The following EXOSC7 variants were observed in gnomAD, a reference collection of about 807,000 sequenced individuals.
EXOSC7 encodes the protein exosome complex component RRP42.
Under a neutral mutation model 34.3 loss-of-function variants are expected in EXOSC7, and 25 were observed. The observed-to-expected ratio is 0.73, with a 90% CI of 0.53 to 1.02. The LOEUF (loss-of-function observed/expected upper bound fraction) is 1.02, where lower values mean the gene tolerates loss of function less well. Among genes scored for constraint, EXOSC7 ranks in the 50% least tolerant of loss-of-function variants. EXOSC7 has a pLI of 0.00. For missense variants in EXOSC7, 370 were observed against 368.5 expected, an observed-to-expected ratio of 1.00 and a Z score of -0.03; for synonymous variants, 130 against 143.0, an observed-to-expected ratio of 0.91 and a Z score of 0.65.
chr3:44,978,225 G>A (rs915277891), intron 1 of EXOSC7, among the ~76,000 whole-genome samples: 3 of 152,246 alleles, frequency 2.0e-5, no homozygotes, highest in Non-Finnish European at 4.4e-5. Flanking sequence ...TTGAAAGGCT[G>A]AGATGGGAGG....
At chr3:45,012,554 C>T (rs1697315146), downstream of EXOSC7, 1 of 152,240 alleles carries the variant, frequency 6.6e-6, no homozygotes. Context: ...AGAAATCAGC[C>T]TGGTCTCTCC....
chr3:45,011,010 GTC>G (rs1337783678), intron 7 of EXOSC7, among the ~76,000 whole-genome samples: 14 of 152,110 alleles, frequency 9.2e-5, no homozygotes. Flanking sequence ...GCTGGTGTTT[GTC>G]TCTCTTTTTT....
intron 1 of EXOSC7, 23 bp from the exon 2 acceptor site, chr3:44,989,117 G>A (rs112978184): frequency 1.9e-6 from 3 of 1,551,116 alleles, no homozygotes; most frequent in Non-Finnish European, 2.7e-6. Context: ...GGTGACTATA[G>A]GACTGTGGTT....
At chr3:44,979,317 A>G (rs985029846) in intron 1 of EXOSC7, among the ~76,000 whole-genome samples, 4 of 152,228 alleles carry the variant, frequency 2.6e-5, no homozygotes, top group Non-Finnish European at 5.9e-5. Context: ...TGTTGCTTGT[A>G]TAGTCCTAGT....
intron 1 of EXOSC7, 80 bp from the exon 2 acceptor site, chr3:44,989,060 C>G: frequency 2.2e-6 from 2 of 927,830 alleles, no homozygotes; most frequent in African/African-American, 3.2e-5. Flanking sequence ...TATATCTTCT[C>G]TAGGGGGAAA....
Position 45,011,414 on chromosome 3 carries a change from G to A in EXOSC7, c.*75G>A, listed in dbSNP as rs1195917782. 7 of 943,584 alleles carry A rather than the reference G, an allele frequency of 7.4e-6. No individual in the cohort carries two copies. The highest frequency in any genetic ancestry group is 7.2e-5 in the Admixed American group (3 of 41,690). 58.5% of individuals were successfully genotyped at this position (943,584 alleles called of 1,614,324 possible). A position where few individuals can be genotyped will look rare whatever the true frequency, so the allele number is the denominator to read the frequency against. On this transcript the variant is annotated 3_prime_UTR_variant, in exon 8 of 8. Transcript: ENST00000265564. ...AACCGGTTCGTATATATTTTTCTTC[G>A]CTGTTACGAATTTACAGCAGCATTT... is the stretch of plus-strand genomic sequence containing the variant.
At chr3:44,994,037 C>T (rs1183796541) in intron 3 of EXOSC7, among the ~76,000 whole-genome samples, 1 of 152,088 alleles carries the variant, frequency 6.6e-6, no homozygotes, top group Non-Finnish European at 1.5e-5. Context: ...TACAGGGAAG[C>T]ATAGAAGATA....
chr3:44,992,713 TA>T (rs945417691), intron 3 of EXOSC7, among the ~76,000 whole-genome samples: 17 of 152,320 alleles, frequency 1.1e-4, no homozygotes, highest in African/African-American at 3.4e-4. Context: ...GGTTTCTATC[TA>T]AAGCCCAAAG....
chr3:45,001,404 C>T (rs1706874752), intron 4 of EXOSC7, 134 bp from the exon 5 acceptor site: 1 of 687,790 alleles, frequency 1.5e-6, no homozygotes, highest in Non-Finnish European at 2.6e-6. Flanking sequence ...GATTGCACCA[C>T]TGCACTCCAG....
chr3:44,997,512 T>G (rs906401269), intron 4 of EXOSC7, among the ~76,000 whole-genome samples: 2 of 152,176 alleles, frequency 1.3e-5, no homozygotes, highest in African/African-American at 4.8e-5. Flanking sequence ...CCATAAAAAT[T>G]GTCCAGGAAG....
intron 3 of EXOSC7, among the ~76,000 whole-genome samples, chr3:44,996,234 C>G (rs1210809571): frequency 1.3e-5 from 2 of 152,160 alleles, no homozygotes; most frequent in East Asian, 3.9e-4. Flanking sequence ...TTTACTGTTA[C>G]AGTAAAATAA....
At chr3:45,006,098 G>A (rs1404547853) in intron 6 of EXOSC7, among the ~76,000 whole-genome samples, 1 of 14,670 alleles carries the variant, frequency 6.8e-5, no homozygotes, top group Admixed American at 7.9e-4. Flanking sequence ...TTTTTTTTTT[G>A]AGACAGTCTT....
intron 5 of EXOSC7, chr3:45,001,847 T>C (rs1706891609): frequency 4.7e-6 from 2 of 427,714 alleles, no homozygotes; most frequent in African/African-American, 4.1e-5. Flanking sequence ...AATAGACACC[T>C]ACCATTTAGA....
chr3:44,999,716 G>C (rs1268232869), intron 4 of EXOSC7, among the ~76,000 whole-genome samples: 2 of 152,044 alleles, frequency 1.3e-5, no homozygotes, highest in Admixed American at 6.6e-5. Flanking sequence ...GTCATCTTCA[G>C]AAAAGTTTTT....
At chr3:45,009,555 C>CTT (rs769220705) in intron 7 of EXOSC7, among the ~76,000 whole-genome samples, 1 of 145,766 alleles carries the variant, frequency 6.9e-6, no homozygotes. Context: ...TCCAAAGGCC[C>CTT]TTTTTTTTTT....
chr3:45,008,015 C>A (rs1321731742), intron 7 of EXOSC7, among the ~76,000 whole-genome samples: 1 of 152,156 alleles, frequency 6.6e-6, no homozygotes, highest in African/African-American at 2.4e-5. Flanking sequence ...AAATTCGTTA[C>A]AGCTCTAGAA....
In EXOSC7 at chr3:44,997,002, A is replaced by G. The variant is rs76073728; in HGVS notation, c.255-85A>G. ...GAGCAGCTGGCTCTTCCAGCATTCT[A>G]CAGGGAAACTGGAATAAAGCTTTGC... On this transcript the variant is annotated intron_variant, in intron 3 of 7. Transcript: ENST00000265564. The G allele has an allele frequency of 8.4e-4, 1,168 of 1,387,812 alleles. 17 individuals carry two copies. In the East Asian group the frequency reaches 0.023, roughly 28 times the overall value. The allele number at this position is 1,387,812 out of a possible 1,614,324, so 86.0% of individuals were successfully genotyped here. A position where few individuals can be genotyped will look rare whatever the true frequency, so the allele number is the denominator to read the frequency against.
chr3:45,007,479 C>G lies in EXOSC7; in HGVS notation c.675C>G (p.Ser225Arg). Residue 225 changes from serine (S) to arginine (R), a missense_variant, in exon 7 of 8, where the codon AGC (serine) becomes AGG (arginine). This residue lies in a region of EXOSC7 where 255 missense variants were observed against 246.4 expected (regional missense o/e 1.03). Transcript: ENST00000265564. ...AGGAGGAGGCCTGCTCGCTGGCCAGCTTGCTGGTGTCGGTGACCAGCAAGG... is the reference window on the plus strand; with the variant it reads ...AGGAGGAGGCCTGCTCGCTGGCCAGGTTGCTGGTGTCGGTGACCAGCAAGG... ...TLQEEACSLASLLVSVTSKGV... is the reference protein window; with the variant it reads ...TLQEEACSLARLLVSVTSKGV... 1.2e-6 allele frequency: 2 copies of G among 1,614,180 alleles called. No individual in the cohort carries two copies. The highest frequency in any genetic ancestry group is 2.2e-5 in the South Asian group (2 of 91,084).
rs892166012 is a variant in EXOSC7 at position 45,005,523 on chromosome 3, A to G, written c.615+109A>G. The G allele has an allele frequency of 4.1e-5, 43 of 1,060,062 alleles. 3 individuals are homozygous for G. The highest frequency in any genetic ancestry group is 4.7e-5 in the Admixed American group (2 of 42,474). 65.7% of individuals were successfully genotyped at this position (1,060,062 alleles called of 1,614,324 possible). ...TTAAGAAGTTGTAATACCACACACC[A>G]TATAGAAGTAGCTTTTACCCAAATC... On this transcript the variant is annotated intron_variant, in intron 6 of 7. Coordinates refer to ENST00000265564, the MANE Select transcript of EXOSC7 (RefSeq NM_015004.4).
Sources: gnomAD v4.1 joint callset for allele counts (sites outside exome capture counted in the v4.1 genomes callset) on GRCh38, gnomAD v4.1.1 for gene constraint, gnomAD v4.1.1 regional missense constraint, MANE v1.5 for transcripts, NCBI Gene and HGNC (gene_info 2026-07-23, HGNC 2026-07-21) for gene names.